Variants in LTBP1 observed in about 807,000 individuals in gnomAD.
The protein encoded by LTBP1 is latent transforming growth factor beta binding protein 1.
A neutral mutation model predicts 207.6 loss-of-function variants in LTBP1; 129 were observed. That is an observed-to-expected ratio of 0.62 (90% confidence interval 0.54 to 0.72). The LOEUF is 0.72. Among genes scored for constraint, LTBP1 ranks in the 30% least tolerant of loss-of-function variants. The pLI is 0.00. For missense variants in LTBP1, 2,281 were observed against 2,217.2 expected, an observed-to-expected ratio of 1.03 and a Z score of -0.58; for synonymous variants, 963 against 833.7, an observed-to-expected ratio of 1.16 and a Z score of -2.67.
chr2:33,217,078 G>C (rs1172203425), intron 7 of LTBP1, among the ~76,000 whole-genome samples: 1 of 152,138 alleles, frequency 6.6e-6, no homozygotes, highest in Non-Finnish European at 1.5e-5. Flanking sequence ...CAGGCCTTGG[G>C]GTTATAGGAA....
At chr2:32,948,807 C>T in intron 1 of LTBP1, 68 bp from the exon 2 acceptor site, 1 of 1,438,476 alleles carries the variant, frequency 7.0e-7, no homozygotes, top group Non-Finnish European at 9.8e-7. Flanking sequence ...CTGGAACATG[C>T]TGGAAGCTTG....
chr2:33,392,271 A>G (rs539542053), intron 32 of LTBP1, among the ~76,000 whole-genome samples: 3 of 150,968 alleles, frequency 2.0e-5, no homozygotes, highest in African/African-American at 7.3e-5. Flanking sequence ...TGCAACCTCC[A>G]CTTCCTGGGT....
chr2:33,326,894 C>A (rs370146934), intron 24 of LTBP1, among the ~76,000 whole-genome samples: 1 of 152,120 alleles, frequency 6.6e-6, no homozygotes, highest in Non-Finnish European at 1.5e-5. Context: ...AAACTCCTAA[C>A]CACGTCAGTC....
At chr2:33,375,572 G>C (rs566058724) in intron 31 of LTBP1, among the ~76,000 whole-genome samples, 2 of 152,078 alleles carry the variant, frequency 1.3e-5, no homozygotes, top group South Asian at 4.1e-4. Flanking sequence ...CTGTCGCCCA[G>C]GCTGGAGTGC....
At chr2:33,115,208 G>A (rs1202986855) in intron 4 of LTBP1, among the ~76,000 whole-genome samples, 1 of 152,106 alleles carries the variant, frequency 6.6e-6, no homozygotes. Context: ...TGGATGAACT[G>A]TGAAAACAAG....
At chr2:33,043,944 A>G (rs776000872) in intron 3 of LTBP1, among the ~76,000 whole-genome samples, 1 of 152,016 alleles carries the variant, frequency 6.6e-6, no homozygotes, top group Non-Finnish European at 1.5e-5. Context: ...AGGGTGGAGA[A>G]GGCAGGCTGT....
intron 4 of LTBP1, among the ~76,000 whole-genome samples, chr2:33,117,092 C>T (rs1488676826): frequency 6.6e-6 from 1 of 152,100 alleles, no homozygotes; most frequent in Non-Finnish European, 1.5e-5. Context: ...GATAGAACAG[C>T]TCCCCAGGTC....
At chr2:33,356,248 A>G (rs1046736384) in intron 26 of LTBP1, among the ~76,000 whole-genome samples, 3 of 152,226 alleles carry the variant, frequency 2.0e-5, no homozygotes, top group Admixed American at 2.0e-4. Context: ...ATCGTGATGA[A>G]TCAGGGGTCA....
chr2:33,210,788 T>C (rs964660598), intron 7 of LTBP1, among the ~76,000 whole-genome samples: 3 of 152,238 alleles, frequency 2.0e-5, no homozygotes, highest in Non-Finnish European at 2.9e-5. Flanking sequence ...GTTGGTGTTA[T>C]GCTTAGCTAG....
intron 7 of LTBP1, among the ~76,000 whole-genome samples, chr2:33,197,746 G>C (rs1050370679): frequency 7.2e-5 from 11 of 152,164 alleles, no homozygotes; most frequent in African/African-American, 2.4e-4. Context: ...TCTATGGGAA[G>C]CATTTAGAAT....
intron 2 of LTBP1, among the ~76,000 whole-genome samples, chr2:32,950,316 G>T (rs751375601): frequency 6.6e-6 from 1 of 152,114 alleles, no homozygotes; most frequent in Non-Finnish European, 1.5e-5. Context: ...CAGCACTTTG[G>T]GAGGCCAAGG....
intron 3 of LTBP1, among the ~76,000 whole-genome samples, chr2:33,080,781 C>T (rs1196329665): frequency 6.6e-6 from 1 of 152,194 alleles, no homozygotes; most frequent in Non-Finnish European, 1.5e-5. Flanking sequence ...CACATACATA[C>T]ACTTTCTTCA....
chr2:33,248,601 T>G (rs1024166692), intron 10 of LTBP1, among the ~76,000 whole-genome samples: 2 of 151,946 alleles, frequency 1.3e-5, no homozygotes, highest in African/African-American at 4.8e-5. Flanking sequence ...TTTTTTTTTT[T>G]TTTGAGAGGG....
intron 8 of LTBP1, among the ~76,000 whole-genome samples, chr2:33,218,170 G>A (rs192315926): frequency 2.0e-4 from 31 of 152,180 alleles, no homozygotes; most frequent in Non-Finnish European, 2.4e-4. Flanking sequence ...ATAATCACTA[G>A]GACACAATTC....
At chr2:33,318,791 A>G (rs2094310872) in intron 24 of LTBP1, among the ~76,000 whole-genome samples, 1 of 152,170 alleles carries the variant, frequency 6.6e-6, no homozygotes, top group African/African-American at 2.4e-5. Context: ...TTTATGGTCC[A>G]TTTGATCATA....
chr2:33,239,026 A>G (rs1041060543), intron 9 of LTBP1, among the ~76,000 whole-genome samples: 1 of 152,164 alleles, frequency 6.6e-6, no homozygotes, highest in African/African-American at 2.4e-5. Flanking sequence ...TTTCTGTTGT[A>G]TTAGTTTGAA....
chr2:33,194,535 A>C (rs933384532), intron 7 of LTBP1, among the ~76,000 whole-genome samples: 1 of 152,236 alleles, frequency 6.6e-6, no homozygotes, highest in Non-Finnish European at 1.5e-5. Context: ...CATTCTCTTC[A>C]GCCAGAGCTC....
rs966999375 is a variant in LTBP1 at position 33,378,747 on chromosome 2, A to G, written c.4712-10437A>G. Among the ~76,000 whole-genome samples, 4 of 152,240 alleles carry G rather than the reference A, an allele frequency of 2.6e-5. No individual in the cohort carries two copies. In the South Asian group the frequency reaches 6.2e-4, roughly 24 times the overall value. ...TCTTCTTAACGAACCTAATAATACA[A>G]CTATGGCTAGAACAAAGCTGCTGAC... On this transcript the variant is annotated intron_variant, in intron 31 of 33. Coordinates refer to ENST00000404816, the MANE Select transcript of LTBP1 (RefSeq NM_206943.4).
chr2:33,206,914 G>A (rs986157491), intron 7 of LTBP1, among the ~76,000 whole-genome samples: 2 of 151,850 alleles, frequency 1.3e-5, no homozygotes, highest in Admixed American at 6.6e-5. Flanking sequence ...AAATAAATTC[G>A]ATCTACTCAC....
Sources: allele counts gnomAD v4.1 joint callset (sites outside exome capture counted in the v4.1 genomes callset), GRCh38; gene constraint gnomAD v4.1.1; transcripts MANE v1.5; gene names NCBI Gene and HGNC (gene_info 2026-07-23, HGNC 2026-07-21).